Variants in PIAS4 observed in about 807,000 individuals in gnomAD.
The protein encoded by PIAS4 is protein inhibitor of activated STAT 4.
Under a neutral mutation model 58.0 loss-of-function variants are expected in PIAS4, and 7 were observed. The ratio of observed to expected loss-of-function variants is 0.12; its 90% CI spans 0.07 to 0.23. PIAS4 has a LOEUF of 0.23. PIAS4 is among the 10% of genes least tolerant of loss of function. The pLI, the probability that PIAS4 is intolerant of heterozygous loss-of-function variation, is 1.00. For missense variants in PIAS4, 550 were observed against 709.5 expected (o/e 0.78, Z 2.55); for synonymous variants, 364 against 312.4 (o/e 1.17, Z -1.74).
rs1599231734 is a variant in PIAS4 at position 4,033,141 on chromosome 19, A to C, written c.949A>C (p.Thr317Pro). The change falls in exon 8 of 11, where the codon ACC (threonine) becomes CCC (proline). Residue 317 changes from threonine (T) to proline (P), a missense_variant. Physicochemically the swap from Thr to Pro is conservative, Grantham distance 38. Around this residue, in one of 4 missense-constraint regions of PIAS4, gnomAD observed 225 missense variants for 345.8 expected, o/e 0.65. Coordinates refer to ENST00000262971, the MANE Select transcript of PIAS4 (RefSeq NM_015897.4). ...LRLDPDSEIA[T>P]TGVRVSLICP... Reference sequence around the variant, plus strand: ...CCTTGATCCTGACAGCGAGATCGCCACCACCGGTGTGCGGGTGTCCCTCAT... The same window carrying C: ...CCTTGATCCTGACAGCGAGATCGCCCCCACCGGTGTGCGGGTGTCCCTCAT... 6.2e-7 allele frequency: 1 copy of C among 1,611,254 alleles called. No homozygotes were observed. Among genetic ancestry groups the C allele is most frequent in the Non-Finnish European group, 8.5e-7 (1 of 1,179,770 alleles).
rs993496553 is a variant in PIAS4, at chr19:4,036,611, C to T, written c.1143-763C>T. Among the ~76,000 whole-genome samples the T allele has an allele frequency of 6.4e-4, 94 of 146,370 alleles. 4 individuals carry two copies. Among genetic ancestry groups the T allele is most frequent in the Middle Eastern group, 3.5e-3 (1 of 282 alleles). On this transcript the variant is annotated intron_variant, in intron 9 of 10. Coordinates refer to ENST00000262971, the MANE Select transcript of PIAS4 (RefSeq NM_015897.4). The stretch of plus-strand genomic sequence containing the variant: ...ACCGTCATACACACACACATCTATA[C>T]AGTCCACACCGTCTCACATCTATAC...
intron 3 of PIAS4, among the ~76,000 whole-genome samples, chr19:4,026,666 A>G (rs2040167829): frequency 6.6e-6 from 1 of 151,930 alleles, no homozygotes; most frequent in South Asian, 2.1e-4. Flanking sequence ...AAGTGGAATC[A>G]CATACTATGT....
At chr19:4,028,876 G>T in intron 6 of PIAS4, 28 bp downstream of exon 6, 1 of 1,610,014 alleles carries the variant, frequency 6.2e-7, no homozygotes, top group Non-Finnish European at 8.5e-7. Context: ...TGCCCACCCT[G>T]CCCCCCAACC....
Position 4,038,171 on chromosome 19 carries a change from G to T in PIAS4, c.*296G>T. 2 of 367,394 alleles carry T rather than the reference G, an allele frequency of 5.4e-6. No homozygotes were observed. Among genetic ancestry groups the T allele is most frequent in the Non-Finnish European group, 9.9e-6 (2 of 201,982 alleles). 22.8% of individuals were successfully genotyped at this position (367,394 alleles called of 1,614,324 possible). The stretch of plus-strand genomic sequence containing the variant: ...GCCTCCCCGGCTGGAGTCCGAGCCG[G>T]GAAGGGGTAGTGGGCGGGAGGGACC... On this transcript the variant is annotated 3_prime_UTR_variant, in exon 11 of 11. Coordinates refer to ENST00000262971, the MANE Select transcript of PIAS4 (RefSeq NM_015897.4). This position sits in a 1 kb window ranked among gnomAD's most constrained non-coding sequence, Gnocchi z 4.1.
At chr19:4,012,064 G>A (rs1444385646) in intron 1 of PIAS4, among the ~76,000 whole-genome samples, 3 of 148,096 alleles carry the variant, frequency 2.0e-5, no homozygotes, top group African/African-American at 7.5e-5. Flanking sequence ...GAGGTGTGTG[G>A]GGTGTGGAGG....
intron 2 of PIAS4, among the ~76,000 whole-genome samples, chr19:4,022,886 C>T (rs188556057): frequency 5.5e-4 from 83 of 150,414 alleles, no homozygotes; most frequent in East Asian, 2.8e-3. Flanking sequence ...TTAAGAGATG[C>T]GGCAGCCAGG....
Position 4,037,271 on chromosome 19 carries a change from A to G in PIAS4, c.1143-103A>G, listed in dbSNP as rs2040308223. ...GGGTGGTGAGGCTGCTCTTGCAGAGAGAAGTGGGGAGTGCCTGGCTGCATC... is the reference window on the plus strand; with the variant it reads ...GGGTGGTGAGGCTGCTCTTGCAGAGGGAAGTGGGGAGTGCCTGGCTGCATC... On this transcript the variant is annotated intron_variant, in intron 9 of 10. Transcript: ENST00000262971. The surrounding 1 kb of genome is among the most constrained non-coding windows in gnomAD (Gnocchi z 5.8). 9 of 1,399,700 alleles carry G rather than the reference A, an allele frequency of 6.4e-6. 1 individual carries two copies. The allele number at this position is 1,399,700 out of a possible 1,614,324, so 86.7% of individuals were successfully genotyped here. A position where few individuals can be genotyped will look rare whatever the true frequency, so the allele number is the denominator to read the frequency against.
chr19:4,008,749 A>G (rs2039966454), intron 1 of PIAS4, among the ~76,000 whole-genome samples: 1 of 151,954 alleles, frequency 6.6e-6, no homozygotes, highest in Non-Finnish European at 1.5e-5. Context: ...TCTGCTCTTG[A>G]GCGAGTCTAC....
rs562578869 is a variant in PIAS4 at position 4,016,876 on chromosome 19, G to A, written c.454+3527G>A. On this transcript the variant is annotated intron_variant, in intron 2 of 10. Coordinates refer to ENST00000262971, the MANE Select transcript of PIAS4 (RefSeq NM_015897.4). ...GCGCGGGCGGCAGAGGCTGGAACCC[G>A]AGAATGGTGGGCCCGGGGAAGGCTG... 2.0e-5 allele frequency among the ~76,000 whole-genome samples: 3 copies of A among 152,296 alleles called. No homozygotes were observed. The South Asian group carries it at 6.2e-4, about 32-fold the overall frequency.
In PIAS4 at chr19:4,013,342, C is replaced by G. The variant is rs762329482; in HGVS notation, c.447C>G (p.Thr149=). The part of the protein sequence containing the change: ...FNMLDELLKP[T]ELVPQNNEKL... ...TGCTGGATGAGCTGCTGAAGCCCAC[C>G]GAATTAGGTGAGTGGTCACCCTGGG... The change falls in exon 2 of 11, where the codon ACC becomes ACG. Residue 149 remains threonine (T), a synonymous_variant. Transcript: ENST00000262971. This position sits in a 1 kb window ranked among gnomAD's most constrained non-coding sequence, Gnocchi z 5.1. 6.2e-7 allele frequency: 1 copy of G among 1,611,744 alleles called. No homozygotes were observed. Among genetic ancestry groups the G allele is most frequent in the South Asian group, 1.1e-5 (1 of 91,028 alleles).
At chr19:4,031,037 C>T (rs976079086) in intron 7 of PIAS4, among the ~76,000 whole-genome samples, 2 of 152,180 alleles carry the variant, frequency 1.3e-5, no homozygotes, top group African/African-American at 2.4e-5. Flanking sequence ...GGAATCTGGG[C>T]ACCACCCCAG....
rs201898018 is a variant in PIAS4 at position 4,037,456 on chromosome 19, G to A, written c.1225G>A (p.Ala409Thr). 3.3e-4 allele frequency: 527 copies of A among 1,611,474 alleles called. No homozygotes were observed. Among genetic ancestry groups the A allele is most frequent in the Non-Finnish European group, 4.0e-4 (477 of 1,179,498 alleles). Reference protein sequence around the residue: ...LVDGSWCPIRAEKERSCSPQG... With the variant: ...LVDGSWCPIRTEKERSCSPQG... The stretch of plus-strand genomic sequence containing the variant: ...GGACGGCTCGTGGTGCCCGATCCGC[G>A]CCGAAAAGGAGCGCAGCTGCAGCCC... Residue 409 changes from alanine (A) to threonine (T), a missense_variant, in exon 10 of 11, where the codon GCC becomes ACC. Around this residue, in one of 4 missense-constraint regions of PIAS4, gnomAD observed 188 missense variants for 192.0 expected, o/e 0.98. Transcript: ENST00000262971. The surrounding 1 kb of genome is among the most constrained non-coding windows in gnomAD (Gnocchi z 5.8).
intron 1 of PIAS4, among the ~76,000 whole-genome samples, chr19:4,009,798 G>A (rs749260680): frequency 1.6e-4 from 24 of 152,128 alleles, no homozygotes; most frequent in Non-Finnish European, 2.5e-4. Context: ...CAGACTGCTC[G>A]GAGGGGCGAA....
At chr19:4,016,411 C>T (rs910786480) in intron 2 of PIAS4, among the ~76,000 whole-genome samples, 3 of 152,216 alleles carry the variant, frequency 2.0e-5, no homozygotes, top group Non-Finnish European at 2.9e-5. Flanking sequence ...TGGTACCAGC[C>T]AAGAGCCGCC....
chr19:4,009,851 G>C (rs559231876), intron 1 of PIAS4, among the ~76,000 whole-genome samples: 78 of 152,312 alleles, frequency 5.1e-4, no homozygotes, highest in African/African-American at 1.9e-3. Context: ...GAGACTCTCA[G>C]CTTGAGGCCT....
rs372184307 is a variant in PIAS4 at position 4,016,135 on chromosome 19, A to G, written c.454+2786A>G. ...GGGAACCCTGTCCTGCCTGTCGGCA[A>G]GGAAGCCGGCGCCACCCCTTTCCAG... On this transcript the variant is annotated intron_variant, in intron 2 of 10. Transcript: ENST00000262971. Among the ~76,000 whole-genome samples the G allele has an allele frequency of 7.9e-5, 12 of 152,350 alleles. No homozygotes were observed. In the South Asian group the frequency reaches 2.5e-3, roughly 32 times the overall value.
chr19:4,014,068 G>T (rs2040027657), intron 2 of PIAS4, among the ~76,000 whole-genome samples: 1 of 152,172 alleles, frequency 6.6e-6, no homozygotes, highest in South Asian at 2.1e-4. Context: ...CCTTCCCCCG[G>T]GCTCTGGTTC....
intron 2 of PIAS4, among the ~76,000 whole-genome samples, chr19:4,014,715 C>T (rs1056183611): frequency 6.6e-6 from 1 of 152,252 alleles, no homozygotes; most frequent in Non-Finnish European, 1.5e-5. Flanking sequence ...ACCCAGCAAC[C>T]TGCCTGGCCC....
intron 3 of PIAS4, among the ~76,000 whole-genome samples, chr19:4,025,260 G>C (rs1034903128): frequency 6.6e-6 from 1 of 152,156 alleles, no homozygotes; most frequent in African/African-American, 2.4e-5. Context: ...GACACAGCTC[G>C]GTGTCGCCTG....
Sources: gnomAD v4.1 joint callset for allele counts (sites outside exome capture counted in the v4.1 genomes callset) on GRCh38, gnomAD v4.1.1 for gene constraint, gnomAD v4.1.1 regional missense constraint, Gnocchi (gnomAD v3.1) non-coding constraint, MANE v1.5 for transcripts, NCBI Gene and HGNC (gene_info 2026-07-23, HGNC 2026-07-21) for gene names.